Variants in FSTL4 observed in about 807,000 individuals in gnomAD.
FSTL4 encodes follistatin-related protein 4.
In FSTL4, 28 loss-of-function variants were observed where a neutral mutation model predicts 78.2. The observed-to-expected ratio is 0.36, with a 90% CI of 0.27 to 0.49. The LOEUF (loss-of-function observed/expected upper bound fraction) is 0.49, where lower values mean the gene tolerates loss of function less well. Among genes scored for constraint, FSTL4 ranks in the 20% least tolerant of loss-of-function variants. The probability of loss-of-function intolerance (pLI) is 0.98; values close to 1 mark genes in which losing one functional copy is unlikely to be tolerated. For synonymous variants in FSTL4, 422 were observed against 440.5 expected, an observed-to-expected ratio of 0.96 and a Z score of 0.53; for missense variants, 922 against 1,084.9, an observed-to-expected ratio of 0.85 and a Z score of 2.11.
intron 3 of FSTL4, among the ~76,000 whole-genome samples, chr5:133,418,997 A>G (rs1193879163): frequency 1.3e-5 from 2 of 152,132 alleles, no homozygotes; most frequent in Non-Finnish European, 2.9e-5. Flanking sequence ...CACGTAGTAG[A>G]TGCTCTTGTT....
chr5:133,256,908 T>C (rs1752394153), intron 6 of FSTL4, among the ~76,000 whole-genome samples: 1 of 152,256 alleles, frequency 6.6e-6, no homozygotes, highest in Non-Finnish European at 1.5e-5. Flanking sequence ...ATTTACTTTT[T>C]CAACTGGCCT....
the FSTL4 span, among the ~76,000 whole-genome samples, chr5:133,666,154 A>G: frequency 6.6e-5 from 10 of 152,132 alleles, no homozygotes; most frequent in African/African-American, 2.2e-4. Flanking sequence ...CTGCACACGA[A>G]CCTGCCAAGC....
the FSTL4 span, among the ~76,000 whole-genome samples, chr5:133,802,822 G>C: frequency 6.6e-6 from 1 of 152,338 alleles, no homozygotes; most frequent in South Asian, 2.1e-4. Context: ...GAGGTGGGCA[G>C]CTGTGCCCAG....
At chr5:133,544,606 C>T (rs373974237) in intron 3 of FSTL4, among the ~76,000 whole-genome samples, 23 of 152,206 alleles carry the variant, frequency 1.5e-4, no homozygotes, top group Middle Eastern at 3.4e-3. Context: ...AATGGGTTCA[C>T]GGCCCAAACC....
At chr5:133,796,108 G>T in the FSTL4 span, among the ~76,000 whole-genome samples, 2 of 152,202 alleles carry the variant, frequency 1.3e-5, no homozygotes, top group African/African-American at 4.8e-5. Flanking sequence ...CCTCAGATAA[G>T]GACATAAGTC....
chr5:133,761,867 T>C, the FSTL4 span, among the ~76,000 whole-genome samples: 1 of 152,194 alleles, frequency 6.6e-6, no homozygotes, highest in Non-Finnish European at 1.5e-5. Flanking sequence ...CATTATGTTA[T>C]CCTCCGAGAC....
At chr5:133,752,513 A>G in the FSTL4 span, among the ~76,000 whole-genome samples, 4 of 152,142 alleles carry the variant, frequency 2.6e-5, no homozygotes, top group Admixed American at 6.5e-5. Context: ...GCCACTTGGG[A>G]GGCTGAGAAT....
intron 4 of FSTL4, among the ~76,000 whole-genome samples, chr5:133,363,172 A>G (rs1405473215): frequency 6.6e-6 from 1 of 151,922 alleles, no homozygotes; most frequent in Non-Finnish European, 1.5e-5. Context: ...CATACTTCAC[A>G]GAGAAAAAAA....
intron 3 of FSTL4, among the ~76,000 whole-genome samples, chr5:133,498,051 G>A (rs2112874549): frequency 6.6e-6 from 1 of 152,202 alleles, no homozygotes; most frequent in South Asian, 2.1e-4. Context: ...CTGGAGAGAG[G>A]GAAGCCTCTG....
chr5:133,483,797 T>C (rs1487572185), intron 3 of FSTL4, among the ~76,000 whole-genome samples: 1 of 152,204 alleles, frequency 6.6e-6, no homozygotes, highest in Non-Finnish European at 1.5e-5. Flanking sequence ...CCTTTCCTGC[T>C]GCCAGTTCTG....
chr5:133,774,783 AT>A, the FSTL4 span, among the ~76,000 whole-genome samples: 1 of 152,190 alleles, frequency 6.6e-6, no homozygotes, highest in Non-Finnish European at 1.5e-5. Flanking sequence ...CTCATAGAAA[AT>A]CACGGTAGTC....
At chr5:133,229,562 T>C (rs1291333631) in intron 8 of FSTL4, among the ~76,000 whole-genome samples, 2 of 151,860 alleles carry the variant, frequency 1.3e-5, no homozygotes, top group African/African-American at 4.8e-5. Flanking sequence ...GACAAAACAA[T>C]TCTGAATTTA....
chr5:133,527,137 T>C (rs1235636214), intron 3 of FSTL4, among the ~76,000 whole-genome samples: 2 of 152,244 alleles, frequency 1.3e-5, no homozygotes, highest in Admixed American at 6.5e-5. Flanking sequence ...TCTCTTGTTT[T>C]GTTTCTACAT....
At chr5:133,835,540 T>A in the FSTL4 span, among the ~76,000 whole-genome samples, 1 of 152,352 alleles carries the variant, frequency 6.6e-6, no homozygotes, top group Non-Finnish European at 1.5e-5. Context: ...GTATACTTGA[T>A]CTGTATCATA....
rs1220786332 is a variant in FSTL4, at chr5:133,197,230, T to A, written c.*1865A>T. 6.7e-6 allele frequency: 1 copy of A among 149,572 alleles called. No individual in the cohort carries two copies. Among genetic ancestry groups the A allele is most frequent in the Non-Finnish European group, 1.5e-5 (1 of 67,746 alleles). 9.3% of individuals were successfully genotyped at this position (149,572 alleles called of 1,614,324 possible). On this transcript the variant is annotated 3_prime_UTR_variant, in exon 16 of 16. Coordinates refer to ENST00000265342, the MANE Select transcript of FSTL4 (RefSeq NM_015082.2). ...AAAAAGTTTATGAAAGTTGGAGAAT[T>A]TTAGTGGTAAAAATGGGAGATTGGG...
chr5:133,258,356 T>C (rs1250291539), intron 6 of FSTL4, among the ~76,000 whole-genome samples: 4 of 152,144 alleles, frequency 2.6e-5, no homozygotes, highest in Non-Finnish European at 1.5e-5. Flanking sequence ...GTAGACTGAG[T>C]AGAGAAGATT....
At chr5:133,421,996 G>A (rs530037132) in intron 3 of FSTL4, among the ~76,000 whole-genome samples, 2 of 152,310 alleles carry the variant, frequency 1.3e-5, no homozygotes, top group Admixed American at 6.5e-5. Context: ...TGGTCAGGGA[G>A]GGCTTCTTGG....
At chr5:133,554,785 A>G (rs1759755554) in intron 3 of FSTL4, among the ~76,000 whole-genome samples, 1 of 152,230 alleles carries the variant, frequency 6.6e-6, no homozygotes, top group Non-Finnish European at 1.5e-5. Context: ...ATTCTGCAGA[A>G]GACCAGTGAG....
the FSTL4 span, among the ~76,000 whole-genome samples, chr5:133,771,731 T>C: frequency 6.6e-6 from 1 of 152,170 alleles, no homozygotes. Flanking sequence ...TTTTATTTTT[T>C]TCTCCCGCCT....
Sources: allele counts gnomAD v4.1 joint callset (sites outside exome capture counted in the v4.1 genomes callset), GRCh38; gene constraint gnomAD v4.1.1; transcripts MANE v1.5; gene names NCBI Gene and HGNC (gene_info 2026-07-23, HGNC 2026-07-21).